The following PLPPR1 variants were observed in gnomAD, a reference collection of about 807,000 sequenced individuals.
PLPPR1 encodes the protein phospholipid phosphatase related 1, also known as phospholipid phosphatase-related protein type 1.
A neutral mutation model predicts 33.1 loss-of-function variants in PLPPR1; 10 were observed. That is an observed-to-expected ratio of 0.30 (90% CI 0.19 to 0.51). The LOEUF is 0.51. Among genes scored for constraint, PLPPR1 ranks in the 20% least tolerant of loss-of-function variants. The pLI, the probability that PLPPR1 is intolerant of heterozygous loss-of-function variation, is 0.97. For missense variants in PLPPR1, 304 were observed against 408.1 expected (o/e 0.74, Z 2.20); for synonymous variants, 151 against 151.0 (o/e 1.00, Z 0.00).
intron 1 of PLPPR1, among the ~76,000 whole-genome samples, chr9:101,048,780 A>G (rs1419291363): frequency 6.6e-6 from 1 of 152,246 alleles, no homozygotes; most frequent in Admixed American, 6.5e-5. Context: ...GCCATCTTCT[A>G]CAGGGTGGCT....
At chr9:101,278,408 T>C (rs967586715) in intron 3 of PLPPR1, among the ~76,000 whole-genome samples, 6 of 152,170 alleles carry the variant, frequency 3.9e-5, no homozygotes, top group Non-Finnish European at 8.8e-5. Context: ...TGCGCTAAAA[T>C]AGTAATACCT....
chr9:101,140,084 G>T (rs1203618326), intron 1 of PLPPR1, among the ~76,000 whole-genome samples: 1 of 152,138 alleles, frequency 6.6e-6, no homozygotes, highest in Admixed American at 6.6e-5. Flanking sequence ...AAATGAGAGG[G>T]ATAGTATGAG....
chr9:101,101,897 G>A (rs1428368528), intron 1 of PLPPR1, among the ~76,000 whole-genome samples: 2 of 152,046 alleles, frequency 1.3e-5, no homozygotes, highest in African/African-American at 2.4e-5. Context: ...TTTAAAGCCA[G>A]TCTAGAAGCC....
chr9:101,198,189 C>T (rs1408902121), intron 2 of PLPPR1, among the ~76,000 whole-genome samples: 1 of 152,158 alleles, frequency 6.6e-6, no homozygotes, highest in Admixed American at 6.5e-5. Context: ...CACTGATACT[C>T]AGTCTTTGTG....
intron 1 of PLPPR1, among the ~76,000 whole-genome samples, chr9:101,143,205 A>G (rs1416694821): frequency 6.6e-6 from 1 of 152,184 alleles, no homozygotes; most frequent in Non-Finnish European, 1.5e-5. Context: ...AGAAATTTCT[A>G]ATGCCCTCTA....
intron 1 of PLPPR1, among the ~76,000 whole-genome samples, chr9:101,180,143 T>TATATAC (rs1564167627): frequency 5.9e-4 from 23 of 39,174 alleles, no homozygotes; most frequent in South Asian, 1.5e-3. Flanking sequence ...TATATATATA[T>TATATAC]ACACACACAC....
intron 3 of PLPPR1, among the ~76,000 whole-genome samples, chr9:101,275,908 C>A (rs1199475183): frequency 1.3e-5 from 2 of 152,100 alleles, no homozygotes; most frequent in Admixed American, 6.5e-5. Flanking sequence ...AAGGAAGAGA[C>A]AAACACAACT....
intron 2 of PLPPR1, among the ~76,000 whole-genome samples, chr9:101,257,906 C>T (rs867198739): frequency 2.6e-5 from 4 of 152,040 alleles, no homozygotes; most frequent in Middle Eastern, 3.4e-3. Flanking sequence ...CAACATCATA[C>T]ATTAGGGTTT....
At chr9:101,078,253 A>T in intron 1 of PLPPR1, among the ~76,000 whole-genome samples, 1 of 132,386 alleles carries the variant, frequency 7.6e-6, no homozygotes, top group South Asian at 2.6e-4. Flanking sequence ...AGGTAGGGTC[A>T]GAGAAGTGTC....
chr9:101,046,006 C>T (rs1830138930), intron 1 of PLPPR1, among the ~76,000 whole-genome samples: 1 of 152,206 alleles, frequency 6.6e-6, no homozygotes. Flanking sequence ...AAAATCATAG[C>T]TTCTTCCAAA....
At chr9:101,138,663 A>G (rs770788266) in intron 1 of PLPPR1, among the ~76,000 whole-genome samples, 5 of 152,094 alleles carry the variant, frequency 3.3e-5, no homozygotes, top group African/African-American at 1.2e-4. Flanking sequence ...GAGTTACTTC[A>G]CTCATTAGCA....
chr9:101,171,880 G>T, intron 1 of PLPPR1, among the ~76,000 whole-genome samples: 1 of 152,178 alleles, frequency 6.6e-6, no homozygotes, highest in East Asian at 1.9e-4. Context: ...CTGAGGAAAC[G>T]AATGCCTATT....
chr9:101,089,288 TATAGATAGATAGATAGATAG>T (rs60312729), intron 1 of PLPPR1, among the ~76,000 whole-genome samples: 4 of 150,150 alleles, frequency 2.7e-5, no homozygotes, highest in Non-Finnish European at 5.9e-5. Flanking sequence ...AAAGCTAGAA[TATAGATAGATAGATAGATAG>T]ATAGATAGAT....
At chr9:101,200,343 CCCTTT>C (rs1368884472) in intron 2 of PLPPR1, among the ~76,000 whole-genome samples, 1 of 152,080 alleles carries the variant, frequency 6.6e-6, no homozygotes, top group East Asian at 1.9e-4. Flanking sequence ...CCTATCCCAT[CCCTTT>C]GGGAAGTGAT....
intron 2 of PLPPR1, among the ~76,000 whole-genome samples, chr9:101,209,630 G>A (rs1003423721): frequency 1.3e-5 from 2 of 152,188 alleles, no homozygotes; most frequent in African/African-American, 4.8e-5. Context: ...AAGATGAATA[G>A]GGTAAAACCT....
chr9:101,223,783 T>C (rs1049511525), intron 2 of PLPPR1, among the ~76,000 whole-genome samples: 3 of 152,140 alleles, frequency 2.0e-5, no homozygotes, highest in Admixed American at 2.0e-4. Flanking sequence ...ATTAAACCTC[T>C]TTTCTTTATA....
At chr9:101,266,377 C>T (rs1424564936) in intron 2 of PLPPR1, among the ~76,000 whole-genome samples, 1 of 133,906 alleles carries the variant, frequency 7.5e-6, no homozygotes, top group Admixed American at 8.5e-5. Context: ...GCCTGGAAGA[C>T]AGAATGAGAC....
intron 1 of PLPPR1, among the ~76,000 whole-genome samples, chr9:101,037,692 G>A (rs1830026664): frequency 6.6e-6 from 1 of 151,920 alleles, no homozygotes; most frequent in East Asian, 1.9e-4. Context: ...CTAATAATCA[G>A]CCCACAGCCT....
intron 1 of PLPPR1, among the ~76,000 whole-genome samples, chr9:101,153,579 T>C (rs1564159738): frequency 6.6e-6 from 1 of 152,108 alleles, no homozygotes. Context: ...CAATACCTAA[T>C]TTATTTATTT....
Sources: allele counts gnomAD v4.1 joint callset (sites outside exome capture counted in the v4.1 genomes callset), GRCh38; gene constraint gnomAD v4.1.1; transcripts MANE v1.5; gene names NCBI Gene and HGNC (gene_info 2026-07-23, HGNC 2026-07-21).